Variants in TUBGCP3 observed in about 807,000 individuals in gnomAD.
The protein encoded by TUBGCP3 is gamma-tubulin complex component 3.
Under a neutral mutation model 123.1 loss-of-function variants are expected in TUBGCP3, and 50 were observed. That is an observed-to-expected ratio of 0.41 (90% CI 0.32 to 0.51). The LOEUF (loss-of-function observed/expected upper bound fraction) is 0.51, where lower values mean the gene tolerates loss of function less well. Ranked by LOEUF, TUBGCP3 falls within the 20% of genes least tolerant of loss-of-function variation. The pLI is 0.36. For synonymous variants in TUBGCP3, 405 were observed against 413.9 expected, an observed-to-expected ratio of 0.98 and a Z score of 0.26; for missense variants, 882 against 1,127.0, an observed-to-expected ratio of 0.78 and a Z score of 3.11.
intron 1 of TUBGCP3, among the ~76,000 whole-genome samples, chr13:112,573,040 C>T (rs1028280747): frequency 6.6e-6 from 1 of 151,812 alleles, no homozygotes; most frequent in Admixed American, 6.6e-5. Flanking sequence ...ATGAAAAGAA[C>T]AGGTATCGCC....
At chr13:112,585,062 A>T (rs183928657) in intron 1 of TUBGCP3, among the ~76,000 whole-genome samples, 9 of 152,352 alleles carry the variant, frequency 5.9e-5, no homozygotes, top group East Asian at 1.9e-4. Context: ...ATAATTTTTT[A>T]AAAGATACCT....
intron 7 of TUBGCP3, 150 bp from the exon 8 acceptor site, chr13:112,554,332 G>A (rs1879845132): frequency 1.0e-6 from 1 of 971,908 alleles, no homozygotes; most frequent in Admixed American, 2.9e-5. Context: ...CTAAAGGGAA[G>A]GAAAGCACAT....
chr13:112,527,600 G>T, intron 11 of TUBGCP3, 116 bp from the exon 12 acceptor site: 1 of 677,650 alleles, frequency 1.5e-6, no homozygotes, highest in Non-Finnish European at 2.6e-6. Flanking sequence ...GACACAGGGA[G>T]TCTTACCTAT....
intron 3 of TUBGCP3, among the ~76,000 whole-genome samples, chr13:112,563,066 C>A (rs774359597): frequency 8.5e-5 from 13 of 152,308 alleles, no homozygotes; most frequent in Middle Eastern, 6.8e-3. Context: ...CCACCCTCCC[C>A]CTTCGGACTT....
At chr13:112,543,436 A>G (rs1328793241) in intron 11 of TUBGCP3, among the ~76,000 whole-genome samples, 1 of 152,230 alleles carries the variant, frequency 6.6e-6, no homozygotes, top group Admixed American at 6.5e-5. Context: ...TGCAATCCCT[A>G]TAAAAATTTT....
At chr13:112,598,813 G>A in the TUBGCP3 span, among the ~76,000 whole-genome samples, 8 of 152,040 alleles carry the variant, frequency 5.3e-5, no homozygotes, top group South Asian at 8.3e-4. Flanking sequence ...GCATCGTGGC[G>A]CACGCCTGTA....
intron 14 of TUBGCP3, chr13:112,521,815 G>A: frequency 1.0e-6 from 1 of 985,402 alleles, no homozygotes; most frequent in Non-Finnish European, 1.2e-6. Flanking sequence ...AGACCTAGAA[G>A]CACAGCAGGC....
At chr13:112,526,504 ACAT>A (rs909073038) in intron 13 of TUBGCP3, among the ~76,000 whole-genome samples, 2 of 134,656 alleles carry the variant, frequency 1.5e-5, no homozygotes, top group Non-Finnish European at 3.2e-5. Flanking sequence ...ATCACCATCA[ACAT>A]CACCACCATC....
chr13:112,534,396 A>C (rs994948844), intron 11 of TUBGCP3, among the ~76,000 whole-genome samples: 3 of 152,160 alleles, frequency 2.0e-5, no homozygotes, highest in African/African-American at 7.2e-5. Context: ...AGTACAAAAA[A>C]TTAGCCGGGC....
Position 112,485,815 on chromosome 13 carries a change from T to A in TUBGCP3, c.*178A>T. 1 of 690,012 alleles carries A rather than the reference T, an allele frequency of 1.4e-6. No homozygotes were observed. The highest frequency in any genetic ancestry group is 2.4e-6 in the Non-Finnish European group (1 of 416,964). The allele number at this position is 690,012 out of a possible 1,614,324, so 42.7% of individuals were successfully genotyped here. On this transcript the variant is annotated 3_prime_UTR_variant, in exon 22 of 22. Transcript: ENST00000261965. ...TTAGGGATTTACAAATGCATTCGACTCCGACATGTGAAACACGACGTGGCT... is the reference window on the plus strand; with the variant it reads ...TTAGGGATTTACAAATGCATTCGACACCGACATGTGAAACACGACGTGGCT...
In TUBGCP3 at chr13:112,527,058, GA is replaced by G; in HGVS notation, c.1447-9del. On this transcript the variant is annotated splice_polypyrimidine_tract_variant and intron_variant, in intron 12 of 21. Coordinates refer to ENST00000261965, the MANE Select transcript of TUBGCP3 (RefSeq NM_006322.6). ...TTTTCCTATCAAAAGGACCTAAAAA[GA>G]AAAACATTCTATGATTACTTTTATG... The G allele has an allele frequency of 6.3e-7, 1 of 1,584,536 alleles. No homozygotes were observed. Among genetic ancestry groups the G allele is most frequent in the Non-Finnish European group, 8.6e-7 (1 of 1,158,060 alleles).
At chr13:112,562,950 C>G (rs559338787) in intron 3 of TUBGCP3, among the ~76,000 whole-genome samples, 1 of 152,332 alleles carries the variant, frequency 6.6e-6, no homozygotes, top group Admixed American at 6.5e-5. Flanking sequence ...CAGGGCACCA[C>G]CTACCATGCC....
intron 1 of TUBGCP3, 22 bp from the exon 2 acceptor site, chr13:112,569,281 G>T: frequency 6.2e-7 from 1 of 1,612,252 alleles, no homozygotes; most frequent in Non-Finnish European, 8.5e-7. Flanking sequence ...ACAAAAGGAT[G>T]CGGATTGTTA....
Position 112,559,303 on chromosome 13 carries a change from CA to C in TUBGCP3, c.330+18del, listed in dbSNP as rs765673994. 30 of 1,605,058 alleles carry C rather than the reference CA, an allele frequency of 1.9e-5. No individual in the cohort carries two copies. In the East Asian group the frequency reaches 6.3e-4, roughly 34 times the overall value. On this transcript the variant is annotated intron_variant, in intron 4 of 21. Coordinates refer to ENST00000261965, the MANE Select transcript of TUBGCP3 (RefSeq NM_006322.6). ...GGGTGTCCCGACGGACACGACGCTG[CA>C]AAGGCAAAGCCACTTACCTTGCTTG...
At position 112,519,605 on chromosome 13, in the gene TUBGCP3, G is replaced by A. The variant is rs1566547546; in HGVS notation, c.1881+281C>T. Reference sequence around the variant, plus strand: ...CATCTGTGATATGCTGCCCAGCACAGGGCAAGGGTGTCATGCGTTTTCTCC... The same window carrying A: ...CATCTGTGATATGCTGCCCAGCACAAGGCAAGGGTGTCATGCGTTTTCTCC... On this transcript the variant is annotated intron_variant, in intron 15 of 21. Coordinates refer to ENST00000261965, the MANE Select transcript of TUBGCP3 (RefSeq NM_006322.6). The surrounding 1 kb of genome is among the most constrained non-coding windows in gnomAD (Gnocchi z 6.2). Among the ~76,000 whole-genome samples the A allele has an allele frequency of 6.6e-6, 1 of 152,190 alleles. No homozygotes were observed. The highest frequency in any genetic ancestry group is 1.5e-5 in the Non-Finnish European group (1 of 68,034).
At chr13:112,528,850 A>G (rs1877336484) in intron 11 of TUBGCP3, among the ~76,000 whole-genome samples, 1 of 151,486 alleles carries the variant, frequency 6.6e-6, no homozygotes, top group Non-Finnish European at 1.5e-5. Flanking sequence ...TATTACCTAG[A>G]TCTGTTTTTT....
the TUBGCP3 span, among the ~76,000 whole-genome samples, chr13:112,594,376 A>G: frequency 5.3e-5 from 8 of 152,228 alleles, no homozygotes; most frequent in Non-Finnish European, 1.2e-4. Flanking sequence ...AAAAATCCAT[A>G]TGACCTTCTA....
chr13:112,590,094 A>G (rs1882853291), upstream of TUBGCP3, among the ~76,000 whole-genome samples: 1 of 151,496 alleles, frequency 6.6e-6, no homozygotes, highest in Non-Finnish European at 1.5e-5. Flanking sequence ...CTCCTGCCTC[A>G]GCCTCTTGAC....
chr13:112,489,500 T>C (rs1879930772), intron 21 of TUBGCP3, 81 bp downstream of exon 21: 3 of 980,460 alleles, frequency 3.1e-6, no homozygotes, highest in Non-Finnish European at 4.9e-6. Context: ...CTGACTCTGC[T>C]CTCATCACTG....
Sources: gnomAD v4.1 joint callset for allele counts (sites outside exome capture counted in the v4.1 genomes callset) on GRCh38, gnomAD v4.1.1 for gene constraint, Gnocchi (gnomAD v3.1) non-coding constraint, MANE v1.5 for transcripts, NCBI Gene and HGNC (gene_info 2026-07-23, HGNC 2026-07-21) for gene names.